The following C16orf89 variants were observed in gnomAD, a reference collection of about 807,000 sequenced individuals.
The protein encoded by C16orf89 is chromosome 16 open reading frame 89.
C16orf89 carries 57 observed loss-of-function variants against 41.5 expected under a neutral mutation model. The ratio of observed to expected loss-of-function variants is 1.38; its 90% CI spans 1.11 to 1.71. C16orf89 has a LOEUF of 1.71. Among genes scored for constraint, C16orf89 ranks in the 40% most tolerant of loss-of-function variants. The pLI is 0.00. For synonymous variants in C16orf89, 223 were observed against 190.6 expected, an observed-to-expected ratio of 1.17 and a Z score of -1.40; for missense variants, 575 against 445.9, an observed-to-expected ratio of 1.29 and a Z score of -2.61.
At chr16:5,055,429 C>T (rs961199825) in intron 5 of C16orf89, 79 bp from the exon 6 acceptor site, 5 of 1,272,224 alleles carry the variant, frequency 3.9e-6, no homozygotes, top group African/African-American at 3.0e-5. Context: ...TGCCACGGTG[C>T]CACCTGCCTT....
rs772667718 is a variant in C16orf89, at chr16:5,055,238, C to T, written c.868+8G>A. On this transcript the variant is annotated splice_region_variant and intron_variant, in intron 6 of 7. Coordinates refer to ENST00000472572, the MANE Select transcript of C16orf89 (RefSeq NM_001098514.3). ...CCCCTTCTTAGCCAGGGCAGCAGCGCAGCTCACCAGGCTCCCCGAAGCATC... is the reference window on the plus strand; with the variant it reads ...CCCCTTCTTAGCCAGGGCAGCAGCGTAGCTCACCAGGCTCCCCGAAGCATC... 5 of 1,598,282 alleles carry T rather than the reference C, an allele frequency of 3.1e-6. No individual in the cohort carries two copies. The highest frequency in any genetic ancestry group is 2.3e-5 in the East Asian group (1 of 44,410).
intron 6 of C16orf89, among the ~76,000 whole-genome samples, chr16:5,052,310 C>T (rs907120474): frequency 1.3e-5 from 2 of 151,508 alleles, no homozygotes; most frequent in African/African-American, 4.9e-5. Flanking sequence ...AAAAAATGGC[C>T]AAGCGCAGTG....
At chr16:5,051,315 C>T (rs1275696084) in intron 6 of C16orf89, among the ~76,000 whole-genome samples, 1 of 152,086 alleles carries the variant, frequency 6.6e-6, no homozygotes, top group Non-Finnish European at 1.5e-5. Flanking sequence ...AAAAGCTCCA[C>T]CAAAAAAACT....
chr16:5,047,945 T>A lies in C16orf89; in HGVS notation c.888A>T (p.Leu296Phe), dbSNP rs1956329472. The change falls in exon 7 of 8, where the codon TTA becomes TTT. Residue 296 changes from leucine (L) to phenylalanine (F), a missense_variant. By Grantham distance (22) the Leu-to-Phe change is conservative. Transcript: ENST00000472572. ...GCTGCTGATATTGAATAGCTTTAGATAATTCTTCATCTTCAGCATCTGGGA... is the reference window on the plus strand; with the variant it reads ...GCTGCTGATATTGAATAGCTTTAGAAAATTCTTCATCTTCAGCATCTGGGA... ...FGEPDAEDEE[L>F]SKAIQYQQHF... 6.3e-7 allele frequency: 1 copy of A among 1,596,388 alleles called. No homozygotes were observed. Among genetic ancestry groups the A allele is most frequent in the Non-Finnish European group, 8.6e-7 (1 of 1,164,992 alleles).
chr16:5,056,031 G>A (rs746814468), intron 5 of C16orf89, 22 bp downstream of exon 5: 40 of 1,573,342 alleles, frequency 2.5e-5, no homozygotes, highest in South Asian at 2.5e-4. Context: ...CCTTTGCCCC[G>A]GGGGCAGAAT....
rs140519364 is a variant in C16orf89 at position 5,048,130 on chromosome 16, G to C, written c.869-166C>G. On this transcript the variant is annotated intron_variant, in intron 6 of 7. Coordinates refer to ENST00000472572, the MANE Select transcript of C16orf89 (RefSeq NM_001098514.3). ...ACAACCTCGAACTCCCAAGCTCACA[G>C]AATCCTTCCTGCCTCAGCCTACCAA... Among the ~76,000 whole-genome samples, 317 of 152,274 alleles carry C rather than the reference G, an allele frequency of 2.1e-3. 4 individuals are homozygous for C. Among genetic ancestry groups the C allele is most frequent in the African/African-American group, 4.5e-3 (186 of 41,550 alleles).
intron 6 of C16orf89, among the ~76,000 whole-genome samples, chr16:5,050,651 C>T (rs1956379051): frequency 6.6e-6 from 1 of 152,114 alleles, no homozygotes; most frequent in African/African-American, 2.4e-5. Context: ...TTCAGCATTA[C>T]CCCAATACTA....
chr16:5,060,510 A>C, intron 2 of C16orf89, 74 bp from the exon 3 acceptor site: 1 of 1,433,802 alleles, frequency 7.0e-7, no homozygotes, highest in Non-Finnish European at 9.5e-7. Flanking sequence ...TGGTGTCCCC[A>C]CCTCCTCCTG....
chr16:5,062,715 T>G (rs1306539583), intron 1 of C16orf89, 141 bp from the exon 2 acceptor site: 1 of 969,234 alleles, frequency 1.0e-6, no homozygotes, highest in Non-Finnish European at 1.5e-6. Context: ...GGGGAAGGAT[T>G]TACTGAGCTG....
Position 5,044,231 on chromosome 16 carries a change from T to C in C16orf89, c.*117A>G. On this transcript the variant is annotated 3_prime_UTR_variant, in exon 8 of 8. Coordinates refer to ENST00000472572, the MANE Select transcript of C16orf89 (RefSeq NM_001098514.3). Reference sequence around the variant, plus strand: ...TCCAAGATTGGGTGTCGGGGTGGCTTTGCTTATCCTCCAGATGCCTTCTTC... The same window carrying C: ...TCCAAGATTGGGTGTCGGGGTGGCTCTGCTTATCCTCCAGATGCCTTCTTC... The C allele has an allele frequency of 7.0e-7, 1 of 1,438,612 alleles. No individual in the cohort carries two copies. The highest frequency in any genetic ancestry group is 9.1e-7 in the Non-Finnish European group (1 of 1,101,296). The allele number at this position is 1,438,612 out of a possible 1,614,324, so 89.1% of individuals were successfully genotyped here.
At chr16:5,057,653 C>T (rs753139540) in intron 4 of C16orf89, among the ~76,000 whole-genome samples, 9 of 151,298 alleles carry the variant, frequency 5.9e-5, no homozygotes, top group Non-Finnish European at 1.3e-4. Flanking sequence ...CTCAGCCTCC[C>T]GAGTAGCTGG....
At chr16:5,046,997 C>T (rs1567149996) in intron 7 of C16orf89, among the ~76,000 whole-genome samples, 1 of 152,166 alleles carries the variant, frequency 6.6e-6, no homozygotes, top group African/African-American at 2.4e-5. Flanking sequence ...CATTGGCTTT[C>T]GGGTCCCTTC....
Position 5,044,188 on chromosome 16 carries a change from C to G in C16orf89, c.*160G>C. Reference sequence around the variant, plus strand: ...CCCTCCCGGCCCCCACCTACCCTGGCCTTGCCTACTCAGGGCTTCCAAGAT... The same window carrying G: ...CCCTCCCGGCCCCCACCTACCCTGGGCTTGCCTACTCAGGGCTTCCAAGAT... On this transcript the variant is annotated 3_prime_UTR_variant, in exon 8 of 8. Transcript: ENST00000472572. The G allele has an allele frequency of 1.4e-6, 2 of 1,394,072 alleles. No homozygotes were observed. The highest frequency in any genetic ancestry group is 3.4e-5 in the South Asian group (2 of 59,412). 86.4% of individuals were successfully genotyped at this position (1,394,072 alleles called of 1,614,324 possible).
At chr16:5,063,539 A>G (rs746415866) in intron 1 of C16orf89, among the ~76,000 whole-genome samples, 1 of 152,284 alleles carries the variant, frequency 6.6e-6, no homozygotes, top group Middle Eastern at 3.4e-3. Flanking sequence ...GCTAAGCTGC[A>G]TCTGTAATTT....
intron 6 of C16orf89, among the ~76,000 whole-genome samples, chr16:5,048,434 T>G (rs956949540): frequency 3.3e-5 from 5 of 152,214 alleles, no homozygotes; most frequent in Admixed American, 1.3e-4. Flanking sequence ...TCCGGAAGTT[T>G]CCTCCTGCAC....
intron 4 of C16orf89, among the ~76,000 whole-genome samples, chr16:5,056,596 G>A (rs1956511819): frequency 6.6e-6 from 1 of 152,114 alleles, no homozygotes; most frequent in South Asian, 2.1e-4. Flanking sequence ...TGTACAACGA[G>A]CCTGAACCCG....
chr16:5,044,024 A>G (rs960054141), downstream of C16orf89: 2 of 743,858 alleles, frequency 2.7e-6, no homozygotes, highest in Admixed American at 5.9e-5. Context: ...AGGAAAAAAG[A>G]AAAAAGAATT....
intron 1 of C16orf89, among the ~76,000 whole-genome samples, chr16:5,064,557 T>C (rs149585766): frequency 3.9e-5 from 6 of 152,258 alleles, no homozygotes; most frequent in East Asian, 1.9e-4. Flanking sequence ...ATGCAGCCAG[T>C]TGGGGGAGAT....
intron 1 of C16orf89, 67 bp from the exon 2 acceptor site, chr16:5,062,641 G>C (rs1956652090): frequency 6.3e-6 from 9 of 1,431,640 alleles, no homozygotes; most frequent in East Asian, 4.8e-5. Context: ...CTTGGAACAA[G>C]AAAAAAAAAT....
Sources: allele counts gnomAD v4.1 joint callset (sites outside exome capture counted in the v4.1 genomes callset), GRCh38; gene constraint gnomAD v4.1.1; transcripts MANE v1.5; gene names NCBI Gene and HGNC (gene_info 2026-07-23, HGNC 2026-07-21).